The following ZNF804B variants were observed in gnomAD, a reference collection of about 807,000 sequenced individuals.
ZNF804B encodes zinc finger 804B.
ZNF804B carries 80 observed loss-of-function variants against 101.4 expected under a neutral mutation model. The observed-to-expected ratio is 0.79, with a 90% confidence interval of 0.66 to 0.95. The LOEUF is 0.95. Among genes scored for constraint, ZNF804B ranks in the 40% least tolerant of loss-of-function variants. The pLI is 0.00. For missense variants in ZNF804B, 1,673 were observed against 1,561.9 expected, an observed-to-expected ratio of 1.07 and a Z score of -1.20; for synonymous variants, 622 against 558.8, an observed-to-expected ratio of 1.11 and a Z score of -1.59.
intron 1 of ZNF804B, among the ~76,000 whole-genome samples, chr7:88,990,818 A>T (rs557010007): frequency 6.6e-6 from 1 of 152,056 alleles, no homozygotes; most frequent in Non-Finnish European, 1.5e-5. Flanking sequence ...TATCTATATT[A>T]TTTTTATGTG....
At chr7:88,862,643 T>C (rs1261132364) in intron 1 of ZNF804B, among the ~76,000 whole-genome samples, 3 of 152,198 alleles carry the variant, frequency 2.0e-5, no homozygotes, top group Non-Finnish European at 2.9e-5. Flanking sequence ...TATGTAATTT[T>C]TGCATGGTAT....
chr7:88,880,695 A>G (rs1182732374), intron 1 of ZNF804B, among the ~76,000 whole-genome samples: 1 of 152,160 alleles, frequency 6.6e-6, no homozygotes, highest in Non-Finnish European at 1.5e-5. Context: ...GGAGCAATTT[A>G]TACACAATGA....
At chr7:88,905,933 T>A (rs942090786) in intron 1 of ZNF804B, among the ~76,000 whole-genome samples, 24 of 151,298 alleles carry the variant, frequency 1.6e-4, no homozygotes, top group African/African-American at 4.8e-4. Context: ...TTTTTTTTTT[T>A]AATTACTGAT....
intron 1 of ZNF804B, among the ~76,000 whole-genome samples, chr7:88,854,939 A>AT: frequency 6.6e-6 from 1 of 151,386 alleles, no homozygotes. Context: ...TGAACTCATC[A>AT]TTTTTTATGG....
At chr7:89,201,547 C>T (rs1788638045) in intron 1 of ZNF804B, among the ~76,000 whole-genome samples, 1 of 151,872 alleles carries the variant, frequency 6.6e-6, no homozygotes, top group East Asian at 1.9e-4. Context: ...GAAAGAAGTG[C>T]TGGGAAAATA....
At position 88,854,527 on chromosome 7, in the gene ZNF804B, T is replaced by TTTCCTTCCCTTCCCTTCC. The variant is rs1791520224; in HGVS notation, c.108+94451_108+94452insCTTCCCTTCCTTCCTTCC. On this transcript the variant is annotated intron_variant, in intron 1 of 3. Coordinates refer to ENST00000333190, the MANE Select transcript of ZNF804B (RefSeq NM_181646.5). ...CTTTCCTTTCCTTTCCTTTCCTTCC[T>TTTCCTTCCCTTCCCTTCC]TTCCTTCCTTCCTTCCTTCCTTCCT... 6.2e-4 allele frequency among the ~76,000 whole-genome samples: 25 copies of TTTCCTTCCCTTCCCTTCC among 40,080 alleles called. 4 individuals carry two copies. The highest frequency in any genetic ancestry group is 2.5e-3 in the African/African-American group (24 of 9,630). The allele number at this position is 40,080 out of a possible 152,430, so 26.3% of individuals were successfully genotyped here. A position where few individuals can be genotyped will look rare whatever the true frequency, so the allele number is the denominator to read the frequency against.
intron 1 of ZNF804B, among the ~76,000 whole-genome samples, chr7:88,901,563 T>A (rs772454969): frequency 2.0e-5 from 3 of 151,800 alleles, no homozygotes; most frequent in Non-Finnish European, 4.4e-5. Flanking sequence ...GCAGTTCTCT[T>A]GATAATTTTT....
At chr7:88,799,233 C>G (rs4727183) in intron 1 of ZNF804B, among the ~76,000 whole-genome samples, 14,833 of 151,986 alleles carry the variant, frequency 0.098, 1,152 homozygotes, top group East Asian at 0.31. Context: ...AGGATTAAAA[C>G]AATTAAATAC....
chr7:89,227,620 G>C (rs112631794), intron 2 of ZNF804B, among the ~76,000 whole-genome samples: 44 of 152,280 alleles, frequency 2.9e-4, no homozygotes, highest in African/African-American at 9.9e-4. Context: ...TTTCATTAGG[G>C]GTTTTAGTAA....
chr7:89,117,014 G>T (rs1473426269), intron 1 of ZNF804B, among the ~76,000 whole-genome samples: 1 of 152,178 alleles, frequency 6.6e-6, no homozygotes. Flanking sequence ...ACCACACAGA[G>T]AAGGCAACAG....
intron 1 of ZNF804B, among the ~76,000 whole-genome samples, chr7:88,813,922 T>A (rs1790832782): frequency 6.6e-6 from 1 of 152,140 alleles, no homozygotes; most frequent in East Asian, 1.9e-4. Flanking sequence ...AATGGTGAAT[T>A]TGCACTCACT....
At chr7:89,304,511 G>C (rs927856827) in intron 2 of ZNF804B, among the ~76,000 whole-genome samples, 1 of 147,488 alleles carries the variant, frequency 6.8e-6, no homozygotes, top group Non-Finnish European at 1.5e-5. Context: ...TGCAGAGGAT[G>C]TGTGGGTATG....
chr7:89,126,181 A>C (rs748122943), intron 1 of ZNF804B, among the ~76,000 whole-genome samples: 2 of 151,948 alleles, frequency 1.3e-5, no homozygotes, highest in Admixed American at 6.6e-5. Flanking sequence ...GTAACTTGAC[A>C]TTTCAGCTTT....
intron 1 of ZNF804B, among the ~76,000 whole-genome samples, chr7:89,164,316 A>G (rs1791110508): frequency 6.6e-6 from 1 of 152,116 alleles, no homozygotes; most frequent in South Asian, 2.1e-4. Flanking sequence ...AATTGTAGTT[A>G]TACATCAGGA....
Position 89,006,264 on chromosome 7 carries a change from A to C in ZNF804B, c.109-211891A>C, listed in dbSNP as rs1584067115. The stretch of plus-strand genomic sequence containing the variant: ...CTCAATTGTCTTCCTCCATTAAAAA[A>C]ATCTTTTAGACCAATATTTTCCCTC... On this transcript the variant is annotated intron_variant, in intron 1 of 3. Coordinates refer to ENST00000333190, the MANE Select transcript of ZNF804B (RefSeq NM_181646.5). Among the ~76,000 whole-genome samples, 6 of 152,230 alleles carry C rather than the reference A, an allele frequency of 3.9e-5. No homozygotes were observed. In the South Asian group the frequency reaches 1.2e-3, roughly 32 times the overall value.
intron 1 of ZNF804B, among the ~76,000 whole-genome samples, chr7:89,033,930 A>T (rs961585508): frequency 6.6e-6 from 1 of 152,072 alleles, no homozygotes; most frequent in Non-Finnish European, 1.5e-5. Context: ...ATTTTTCATA[A>T]CTTTTATTAT....
chr7:88,792,244 G>A (rs1483212005), intron 1 of ZNF804B, among the ~76,000 whole-genome samples: 1 of 151,978 alleles, frequency 6.6e-6, no homozygotes, highest in Admixed American at 6.6e-5. Flanking sequence ...CACAATGGGA[G>A]GAATATCAAG....
chr7:88,883,447 A>G (rs1398918339), intron 1 of ZNF804B, among the ~76,000 whole-genome samples: 2 of 152,158 alleles, frequency 1.3e-5, no homozygotes, highest in Non-Finnish European at 2.9e-5. Context: ...GACAATGGAA[A>G]GTGAGTGGAA....
intron 1 of ZNF804B, among the ~76,000 whole-genome samples, chr7:88,993,928 T>C (rs1793883885): frequency 6.6e-6 from 1 of 151,984 alleles, no homozygotes; most frequent in South Asian, 2.1e-4. Flanking sequence ...GTGACTATAA[T>C]ATTAGATGTG....
Sources: gnomAD v4.1 joint callset for allele counts (sites outside exome capture counted in the v4.1 genomes callset) on GRCh38, gnomAD v4.1.1 for gene constraint, MANE v1.5 for transcripts, NCBI Gene and HGNC (gene_info 2026-07-23, HGNC 2026-07-21) for gene names.